The following SLC13A3 variants were observed in gnomAD, a reference collection of about 807,000 sequenced individuals.
The protein encoded by SLC13A3 is solute carrier family 13 member 3.
In SLC13A3, 40 loss-of-function variants were observed where a neutral mutation model predicts 59.0. The ratio of observed to expected loss-of-function variants is 0.68; its 90% CI spans 0.53 to 0.88. The LOEUF is 0.88. Among genes scored for constraint, SLC13A3 ranks in the 40% least tolerant of loss-of-function variants. The pLI is 0.00. For synonymous variants in SLC13A3, 317 were observed against 330.3 expected (o/e 0.96, Z 0.44); for missense variants, 699 against 783.2 (o/e 0.89, Z 1.28).
At chr20:46,563,365 G>A in intron 12 of SLC13A3, 49 bp downstream of exon 12, 1 of 1,588,932 alleles carries the variant, frequency 6.3e-7, no homozygotes, top group Non-Finnish European at 8.6e-7. Flanking sequence ...CCGCCCCCTT[G>A]CGGCCCACCC....
chr20:46,649,551 C>T (rs202118524), intron 1 of SLC13A3, among the ~76,000 whole-genome samples: 1 of 152,112 alleles, frequency 6.6e-6, no homozygotes, highest in Non-Finnish European at 1.5e-5. Flanking sequence ...CCTATGGCCT[C>T]GCAGACAGCA....
At chr20:46,584,375 C>A in intron 8 of SLC13A3, 1 of 985,416 alleles carries the variant, frequency 1.0e-6, no homozygotes, top group Non-Finnish European at 1.2e-6. Context: ...GCATTGGACA[C>A]AATTCAATAA....
In SLC13A3 at chr20:46,651,438, C is replaced by A. The variant is rs993186918; in HGVS notation, c.-17G>T. The A allele has an allele frequency of 4.3e-6, 6 of 1,409,900 alleles. No homozygotes were observed. The highest frequency in any genetic ancestry group is 3.0e-5 in the African/African-American group (2 of 66,296). 87.3% of individuals were successfully genotyped at this position (1,409,900 alleles called of 1,614,324 possible). On this transcript the variant is annotated 5_prime_UTR_variant, in exon 1 of 13. Transcript: ENST00000279027. ...CGCCGCCATCAGCGCGATCGCCTGG[C>A]GGTACGGGCCGGCCCGGGACTGCCC...
At chr20:46,570,994 G>T (rs1199698346) in intron 10 of SLC13A3, among the ~76,000 whole-genome samples, 2 of 152,194 alleles carry the variant, frequency 1.3e-5, no homozygotes, top group East Asian at 1.9e-4. Flanking sequence ...CAGCATGGCT[G>T]GGGAGGCCTT....
At chr20:46,561,526 A>T (rs1004232951) in intron 12 of SLC13A3, among the ~76,000 whole-genome samples, 3 of 151,998 alleles carry the variant, frequency 2.0e-5, no homozygotes, top group African/African-American at 7.3e-5. Context: ...GGGAGAGCTT[A>T]ATTCTTTTGT....
intron 2 of SLC13A3, among the ~76,000 whole-genome samples, 163 bp from the exon 3 acceptor site, chr20:46,610,772 T>C (rs898867618): frequency 6.6e-6 from 1 of 152,162 alleles, no homozygotes. Context: ...ATTTTAGATC[T>C]AAGAAAACTG....
chr20:46,658,498 T>C lies in SLC13A3; in HGVS notation c.-31+11545A>G, dbSNP rs558810274. ...AATAGGTGAATTTTATTATATATAG[T>C]TATACCTCAATAAAGCCAGAACAGA... On this transcript the variant is annotated intron_variant, in intron 1 of 12. Coordinates refer to the SLC13A3 transcript ENST00000290317. Among the ~76,000 whole-genome samples, 423 of 152,280 alleles carry C rather than the reference T, an allele frequency of 2.8e-3. 2 individuals are homozygous for C. Among genetic ancestry groups the C allele is most frequent in the Non-Finnish European group, 2.7e-3 (185 of 68,022 alleles).
chr20:46,679,221 G>A lies in SLC13A3; in HGVS notation c.-31+5175C>T, dbSNP rs115997124. 9.7e-4 allele frequency among the ~76,000 whole-genome samples: 147 copies of A among 152,216 alleles called. 1 individual carries two copies. Among genetic ancestry groups the A allele is most frequent in the African/African-American group, 3.4e-3 (143 of 41,524 alleles). ...CCTTTCCTGAGATGAAGCTATCTTC[G>A]CCTAAAAATATCTAGACTAATTGGG... On this transcript the variant is annotated intron_variant, in intron 1 of 6. Coordinates refer to the SLC13A3 transcript ENST00000372121.
intron 1 of SLC13A3, among the ~76,000 whole-genome samples, chr20:46,614,403 A>G (rs959617498): frequency 6.6e-6 from 1 of 152,184 alleles, no homozygotes; most frequent in Non-Finnish European, 1.5e-5. Context: ...CACTTCCGGC[A>G]TCCTTATGTG....
intron 5 of SLC13A3, among the ~76,000 whole-genome samples, 195 bp from the exon 6 acceptor site, chr20:46,592,724 T>C (rs2062272537): frequency 6.6e-6 from 1 of 152,192 alleles, no homozygotes; most frequent in Admixed American, 6.5e-5. Flanking sequence ...TGCTGGCTTC[T>C]GACCTAGTGG....
chr20:46,614,724 G>A (rs2062538361), intron 1 of SLC13A3, among the ~76,000 whole-genome samples: 1 of 152,350 alleles, frequency 6.6e-6, no homozygotes, highest in South Asian at 2.1e-4. Flanking sequence ...TGAGGTGCAA[G>A]GAGGTGGTTA....
In SLC13A3 at chr20:46,575,620, T is replaced by C. The variant is rs1322720287; in HGVS notation, c.1285A>G (p.Ile429Val). ...KKAQETVPWN[I>V]ILLLGGGFAM... ...AAGCCCCCTCCCAGGAGAAGGATGA[T>C]GTTCCAGGGCACTGTCTCCTGGGCC... is the stretch of plus-strand genomic sequence containing the variant. The change falls in exon 10 of 13, where the codon ATC (isoleucine) becomes GTC (valine). Residue 429 changes from isoleucine (I) to valine (V), a missense_variant. By Grantham distance (29) the Ile-to-Val change is conservative. Coordinates refer to ENST00000279027, the MANE Select transcript of SLC13A3 (RefSeq NM_022829.6). The C allele has an allele frequency of 6.2e-7, 1 of 1,608,330 alleles. No individual in the cohort carries two copies. The highest frequency in any genetic ancestry group is 8.5e-7 in the Non-Finnish European group (1 of 1,177,290).
At chr20:46,612,424 C>T (rs1413813875) in intron 2 of SLC13A3, among the ~76,000 whole-genome samples, 3 of 152,080 alleles carry the variant, frequency 2.0e-5, no homozygotes, top group Non-Finnish European at 4.4e-5. Flanking sequence ...TGGGATTACA[C>T]TGCGCCCGGC....
chr20:46,631,722 CT>C (rs1249034334), intron 1 of SLC13A3, among the ~76,000 whole-genome samples: 2 of 152,094 alleles, frequency 1.3e-5, no homozygotes, highest in Non-Finnish European at 2.9e-5. Context: ...GCTTCTCAGG[CT>C]TAGCCAATAC....
intron 1 of SLC13A3, among the ~76,000 whole-genome samples, chr20:46,663,948 G>A (rs968667208): frequency 6.6e-6 from 1 of 152,186 alleles, no homozygotes; most frequent in Non-Finnish European, 1.5e-5. Context: ...TAATATTAAA[G>A]GAGTTGTCGA....
At chr20:46,605,703 C>T (rs924946300) in intron 3 of SLC13A3, among the ~76,000 whole-genome samples, 2 of 152,150 alleles carry the variant, frequency 1.3e-5, no homozygotes, top group Admixed American at 6.5e-5. Flanking sequence ...GATCTCCCAT[C>T]CCCTGAACCT....
At chr20:46,665,908 A>G (rs1420387303) in intron 1 of SLC13A3, among the ~76,000 whole-genome samples, 1 of 152,134 alleles carries the variant, frequency 6.6e-6, no homozygotes. Context: ...ACTTGCTATT[A>G]TTTACCTTTT....
At chr20:46,578,372 G>A (rs2064210385) in intron 9 of SLC13A3, among the ~76,000 whole-genome samples, 1 of 151,976 alleles carries the variant, frequency 6.6e-6, no homozygotes, top group Admixed American at 6.6e-5. Flanking sequence ...GGGAAGTCAG[G>A]TGATAAACAA....
At chr20:46,659,722 C>CA (rs1390558988) in intron 1 of SLC13A3, among the ~76,000 whole-genome samples, 4 of 145,966 alleles carry the variant, frequency 2.7e-5, no homozygotes, top group Non-Finnish European at 4.5e-5. Flanking sequence ...TCCCCCCCCC[C>CA]CAAAAAAAAA....
Sources: gnomAD v4.1 joint callset for allele counts (sites outside exome capture counted in the v4.1 genomes callset) on GRCh38, gnomAD v4.1.1 for gene constraint, MANE v1.5 for transcripts, NCBI Gene and HGNC (gene_info 2026-07-23, HGNC 2026-07-21) for gene names.